C6: variants seen among roughly 807,000 people sequenced by gnomAD.
The protein encoded by C6 is complement C6.
In C6, 101 loss-of-function variants were observed where a neutral mutation model predicts 112.9. The observed-to-expected ratio is 0.89, with a 90% CI of 0.76 to 1.06. The LOEUF (loss-of-function observed/expected upper bound fraction) is 1.06, where lower values mean the gene tolerates loss of function less well. Ranked by LOEUF, C6 falls within the 50% of genes least tolerant of loss-of-function variation. The pLI, the probability that C6 is intolerant of heterozygous loss-of-function variation, is 0.00. For missense variants in C6, 1,202 were observed against 1,104.6 expected (o/e 1.09, Z -1.25); for synonymous variants, 431 against 384.1 (o/e 1.12, Z -1.43).
At chr5:41,206,533 G>T (rs1185102373) in intron 1 of C6, among the ~76,000 whole-genome samples, 1 of 152,172 alleles carries the variant, frequency 6.6e-6, no homozygotes, top group East Asian at 1.9e-4. Flanking sequence ...GACCTTAAAT[G>T]ACCTGATGGA....
At chr5:41,165,304 T>C (rs906737513) in intron 9 of C6, among the ~76,000 whole-genome samples, 4 of 152,222 alleles carry the variant, frequency 2.6e-5, no homozygotes, top group African/African-American at 9.6e-5. Flanking sequence ...GTAGAGTTTC[T>C]AAGTCATAAA....
chr5:41,161,337 G>A (rs912321341), intron 10 of C6, among the ~76,000 whole-genome samples: 1 of 152,074 alleles, frequency 6.6e-6, no homozygotes, highest in Non-Finnish European at 1.5e-5. Flanking sequence ...ACTTAGGAGT[G>A]TTCATCAAAT....
intron 5 of C6, among the ~76,000 whole-genome samples, chr5:41,187,854 A>G (rs907223574): frequency 6.6e-6 from 1 of 152,132 alleles, no homozygotes; most frequent in Non-Finnish European, 1.5e-5. Context: ...AATACATACT[A>G]TCTCTCCCAT....
intron 1 of C6, among the ~76,000 whole-genome samples, chr5:41,244,257 G>A (rs1740895677): frequency 1.3e-5 from 2 of 151,958 alleles, no homozygotes; most frequent in Non-Finnish European, 2.9e-5. Context: ...TCTTTCTTTT[G>A]AGACAACAAT....
At position 41,186,376 on chromosome 5, in the gene C6, G is replaced by T. The variant is rs1395846366; in HGVS notation, c.588-168C>A. On this transcript the variant is annotated intron_variant, in intron 5 of 17. Coordinates refer to ENST00000337836, the MANE Select transcript of C6 (RefSeq NM_000065.5). ...TTTTTCCTAGTCCATGGTGAGGCATGCAAGGAAGCTGGAAAGCCCAAACTC... is the reference window on the plus strand; with the variant it reads ...TTTTTCCTAGTCCATGGTGAGGCATTCAAGGAAGCTGGAAAGCCCAAACTC... 3.7e-5 allele frequency: 25 copies of T among 682,640 alleles called. No homozygotes were observed. In the East Asian group the frequency reaches 6.9e-4, roughly 19 times the overall value. 42.3% of individuals were successfully genotyped at this position (682,640 alleles called of 1,614,324 possible). A position where few individuals can be genotyped will look rare whatever the true frequency, so the allele number is the denominator to read the frequency against.
At chr5:41,226,224 A>G (rs1297413973) in intron 1 of C6, among the ~76,000 whole-genome samples, 1 of 152,208 alleles carries the variant, frequency 6.6e-6, no homozygotes, top group Admixed American at 6.6e-5. Flanking sequence ...GCTAATAACC[A>G]GAATCTACAA....
chr5:41,162,727 A>G (rs1366491647), intron 9 of C6, among the ~76,000 whole-genome samples: 1 of 152,224 alleles, frequency 6.6e-6, no homozygotes, highest in Non-Finnish European at 1.5e-5. Context: ...TAGCAATTCT[A>G]TAGTAAGATA....
At chr5:41,166,676 A>G (rs1748003532) in intron 9 of C6, among the ~76,000 whole-genome samples, 1 of 152,164 alleles carries the variant, frequency 6.6e-6, no homozygotes, top group Non-Finnish European at 1.5e-5. Flanking sequence ...ATACAGTGTG[A>G]TGAGTGCTAT....
intron 1 of C6, among the ~76,000 whole-genome samples, chr5:41,256,429 T>TAAA (rs893902006): frequency 7.4e-5 from 10 of 135,782 alleles, no homozygotes; most frequent in African/African-American, 2.9e-4. Context: ...AAAGTATAAT[T>TAAA]AAAAAAAAAA....
rs530308319 is a variant in C6, at chr5:41,248,686, A to G, written c.-21+12508T>C. On this transcript the variant is annotated intron_variant, in intron 1 of 17. Coordinates refer to the C6 transcript ENST00000263413. ...AGTCAAAAACCAACAGATGCTGGATAAGCCGTGGGGAAAATGGATGCTTAT... is the reference window on the plus strand; with the variant it reads ...AGTCAAAAACCAACAGATGCTGGATGAGCCGTGGGGAAAATGGATGCTTAT... Among the ~76,000 whole-genome samples the G allele has an allele frequency of 2.0e-5, 3 of 152,344 alleles. No individual in the cohort carries two copies. In the East Asian group the frequency reaches 5.8e-4, roughly 29 times the overall value.
At chr5:41,213,838 A>G (rs1211230153), upstream of C6, among the ~76,000 whole-genome samples, 1 of 152,194 alleles carries the variant, frequency 6.6e-6, no homozygotes, top group Non-Finnish European at 1.5e-5. Flanking sequence ...ATGTTTTTGG[A>G]GACAATGTGA....
chr5:41,240,583 G>A (rs1359135260), intron 1 of C6, among the ~76,000 whole-genome samples: 1 of 152,222 alleles, frequency 6.6e-6, no homozygotes, highest in Non-Finnish European at 1.5e-5. Flanking sequence ...GGATGCTGAT[G>A]TTGGTGGTGG....
At chr5:41,153,712 C>A in intron 15 of C6, 98 bp downstream of exon 15, 2 of 926,856 alleles carry the variant, frequency 2.2e-6, no homozygotes, top group South Asian at 1.4e-5. Flanking sequence ...CTTTTTTAGC[C>A]TCTCAGTGCT....
At chr5:41,196,008 A>T in intron 4 of C6, 75 bp from the exon 5 acceptor site, 1 of 1,544,496 alleles carries the variant, frequency 6.5e-7, no homozygotes, top group South Asian at 1.1e-5. Context: ...TGAAACTCAA[A>T]TGCTTTAAAT....
chr5:41,176,085 C>T (rs945752055), intron 8 of C6, among the ~76,000 whole-genome samples: 6 of 152,082 alleles, frequency 3.9e-5, no homozygotes, highest in African/African-American at 1.4e-4. Flanking sequence ...AAATTATATC[C>T]TATAAAAATG....
In C6 at chr5:41,159,255, T is replaced by G. The variant is rs770706271; in HGVS notation, c.1685-2A>C. Reference sequence around the variant, plus strand: ...AACCCCACTGTCCGTCTACTGCATCTGGAACAAAGGAAGACTCACTCCCAT... The same window carrying G: ...AACCCCACTGTCCGTCTACTGCATCGGGAACAAAGGAAGACTCACTCCCAT... On this transcript the variant is annotated splice_acceptor_variant, in intron 11 of 17. Coordinates refer to ENST00000337836, the MANE Select transcript of C6 (RefSeq NM_000065.5). LOFTEE classifies it high-confidence loss of function. 1 of 1,612,806 alleles carries G rather than the reference T, an allele frequency of 6.2e-7. No individual in the cohort carries two copies. The highest frequency in any genetic ancestry group is 8.5e-7 in the Non-Finnish European group (1 of 1,179,356).
intron 1 of C6, among the ~76,000 whole-genome samples, chr5:41,225,820 T>C (rs1437986039): frequency 6.6e-6 from 1 of 152,166 alleles, no homozygotes; most frequent in Non-Finnish European, 1.5e-5. Context: ...TATCTGATCT[T>C]TGACAAACCT....
intron 1 of C6, among the ~76,000 whole-genome samples, chr5:41,254,260 G>T (rs935046555): frequency 6.6e-6 from 1 of 152,060 alleles, no homozygotes; most frequent in Admixed American, 6.5e-5. Context: ...AATTAAATTA[G>T]CCGGGTGTGG....
intron 5 of C6, chr5:41,186,450 C>G: frequency 2.0e-6 from 1 of 502,400 alleles, no homozygotes; most frequent in South Asian, 2.2e-5. Context: ...CTTAATTGTT[C>G]TTGGCTTTCA....
Sources: gnomAD v4.1 joint callset for allele counts (sites outside exome capture counted in the v4.1 genomes callset) on GRCh38, gnomAD v4.1.1 for gene constraint, MANE v1.5 for transcripts, NCBI Gene and HGNC (gene_info 2026-07-23, HGNC 2026-07-21) for gene names.